Variants in SMOC1 observed in about 807,000 individuals in gnomAD.
The protein encoded by SMOC1 is SPARC related modular calcium binding 1.
In SMOC1, 22 loss-of-function variants were observed where a neutral mutation model predicts 56.3. The ratio of observed to expected loss-of-function variants is 0.39; its 90% CI spans 0.28 to 0.56. The LOEUF (loss-of-function observed/expected upper bound fraction) is 0.56, where lower values mean the gene tolerates loss of function less well. SMOC1 is among the 20% of genes least tolerant of loss of function. The pLI, the probability that SMOC1 is intolerant of heterozygous loss-of-function variation, is 0.61. For synonymous variants in SMOC1, 193 were observed against 215.0 expected, an observed-to-expected ratio of 0.90 and a Z score of 0.89; for missense variants, 509 against 565.4, an observed-to-expected ratio of 0.90 and a Z score of 1.01.
chr14:69,930,294 C>T (rs536126606), intron 1 of SMOC1, among the ~76,000 whole-genome samples: 7 of 149,534 alleles, frequency 4.7e-5, no homozygotes, highest in South Asian at 2.1e-4. Flanking sequence ...CCACACTGCC[C>T]GTCCCAGAAG....
rs530010719 is a variant in SMOC1, at chr14:69,899,506, A to G, written c.99+19729A>G. Among the ~76,000 whole-genome samples the G allele has an allele frequency of 5.3e-5, 8 of 152,216 alleles. No homozygotes were observed. The South Asian group carries it at 1.7e-3, about 32-fold the overall frequency. On this transcript the variant is annotated intron_variant, in intron 1 of 11. Coordinates refer to ENST00000361956, the MANE Select transcript of SMOC1 (RefSeq NM_001034852.3). ...CCTTATGCCTTCCGCTATGATTGTA[A>G]GTTTTCTGAGGCCTCCCCAGAAGTA...
intron 1 of SMOC1, among the ~76,000 whole-genome samples, chr14:69,883,967 C>T (rs1883722388): frequency 8.2e-6 from 1 of 122,338 alleles, no homozygotes; most frequent in East Asian, 2.9e-4. Context: ...ACTGCAGTGG[C>T]GCAATCTTGG....
intron 1 of SMOC1, among the ~76,000 whole-genome samples, chr14:69,901,552 A>G (rs1451022623): frequency 6.6e-6 from 1 of 152,110 alleles, no homozygotes; most frequent in Non-Finnish European, 1.5e-5. Flanking sequence ...AGTAAGGGGG[A>G]TGTTGTGTTT....
chr14:69,887,943 G>A (rs1427199468), intron 1 of SMOC1, among the ~76,000 whole-genome samples: 1 of 152,288 alleles, frequency 6.6e-6, no homozygotes. Context: ...TCCCCTCACC[G>A]CCTTTTGCAG....
At chr14:69,912,911 A>G (rs918024426) in intron 1 of SMOC1, among the ~76,000 whole-genome samples, 1 of 152,186 alleles carries the variant, frequency 6.6e-6, no homozygotes, top group Admixed American at 6.5e-5. Context: ...TCACTAGGAA[A>G]TATCCAGGCC....
chr14:70,011,333 C>T, intron 8 of SMOC1, 152 bp from the exon 9 acceptor site: 1 of 731,050 alleles, frequency 1.4e-6, no homozygotes, highest in Non-Finnish European at 2.4e-6. Context: ...CTAAGATTGC[C>T]TTGTAGCTGC....
At chr14:70,005,185 G>C (rs1470049861) in intron 7 of SMOC1, among the ~76,000 whole-genome samples, 1 of 152,234 alleles carries the variant, frequency 6.6e-6, no homozygotes, top group African/African-American at 2.4e-5. Context: ...AAAAAGAAGA[G>C]AAAGGAAAAA....
intron 7 of SMOC1, among the ~76,000 whole-genome samples, chr14:69,997,163 T>C (rs766987096): frequency 1.2e-4 from 19 of 152,230 alleles, no homozygotes; most frequent in Non-Finnish European, 2.5e-4. Context: ...TTAAGTTTTC[T>C]GGCCCCTCTC....
intron 1 of SMOC1, among the ~76,000 whole-genome samples, chr14:69,894,610 G>A (rs139966409): frequency 6.6e-6 from 1 of 152,260 alleles, no homozygotes; most frequent in East Asian, 1.9e-4. Flanking sequence ...ATTTGTGTTG[G>A]GATCTGTGAC....
chr14:69,990,957 T>C (rs1002192294), intron 5 of SMOC1, among the ~76,000 whole-genome samples: 39 of 152,268 alleles, frequency 2.6e-4, no homozygotes, highest in African/African-American at 9.4e-4. Context: ...AGCTCTTGAA[T>C]CTTAAGCTCC....
chr14:69,918,784 T>A, intron 1 of SMOC1, among the ~76,000 whole-genome samples: 1 of 152,180 alleles, frequency 6.6e-6, no homozygotes, highest in East Asian at 1.9e-4. Flanking sequence ...GAGGTAACAC[T>A]TTTCATAGCT....
At chr14:70,011,802 C>A (rs935912271) in intron 9 of SMOC1, among the ~76,000 whole-genome samples, 2 of 152,222 alleles carry the variant, frequency 1.3e-5, no homozygotes, top group African/African-American at 4.8e-5. Context: ...GGGTTAAAAT[C>A]CCGTCTGCAG....
intron 7 of SMOC1, among the ~76,000 whole-genome samples, chr14:70,001,007 G>A (rs1414111850): frequency 6.6e-6 from 1 of 152,144 alleles, no homozygotes. Context: ...CCACATAGCA[G>A]GGCTGTGGAA....
chr14:69,960,634 C>T (rs1289380657), intron 3 of SMOC1, among the ~76,000 whole-genome samples: 7 of 152,180 alleles, frequency 4.6e-5, no homozygotes, highest in Non-Finnish European at 1.0e-4. Flanking sequence ...ACAGTGTGAA[C>T]ATCTACTGTG....
chr14:70,019,433 A>G (rs771482229), intron 10 of SMOC1, among the ~76,000 whole-genome samples: 6 of 152,226 alleles, frequency 3.9e-5, no homozygotes, highest in Non-Finnish European at 7.3e-5. Flanking sequence ...CCCATGGAGA[A>G]GTCTGCAGTG....
At chr14:69,957,655 G>A (rs1883235857) in intron 3 of SMOC1, among the ~76,000 whole-genome samples, 1 of 151,982 alleles carries the variant, frequency 6.6e-6, no homozygotes, top group Admixed American at 6.6e-5. Context: ...TTTAGATTAT[G>A]GAAATTAAAA....
At chr14:69,969,074 A>G (rs543687090) in intron 3 of SMOC1, among the ~76,000 whole-genome samples, 1 of 152,342 alleles carries the variant, frequency 6.6e-6, no homozygotes, top group South Asian at 2.1e-4. Flanking sequence ...AGCATAGTGA[A>G]CTGAGAGCCT....
At chr14:69,990,408 TG>T (rs1884519390) in intron 5 of SMOC1, among the ~76,000 whole-genome samples, 1 of 152,238 alleles carries the variant, frequency 6.6e-6, no homozygotes, top group South Asian at 2.1e-4. Context: ...CCTCCTGGAA[TG>T]TTTGATTTTT....
At chr14:70,021,535 C>G (rs1248478865) in intron 10 of SMOC1, among the ~76,000 whole-genome samples, 1 of 152,208 alleles carries the variant, frequency 6.6e-6, no homozygotes, top group Non-Finnish European at 1.5e-5. Context: ...CTCTCCACGG[C>G]TCCCTCACAC....
Sources: allele counts gnomAD v4.1 joint callset (sites outside exome capture counted in the v4.1 genomes callset), GRCh38; gene constraint gnomAD v4.1.1; transcripts MANE v1.5; gene names NCBI Gene and HGNC (gene_info 2026-07-23, HGNC 2026-07-21).